The following ZCCHC14 variants were observed in gnomAD, a reference collection of about 807,000 sequenced individuals.
The protein encoded by ZCCHC14 is zinc finger CCHC domain-containing protein 14.
In ZCCHC14, 16 loss-of-function variants were observed where a neutral mutation model predicts 85.0. That is an observed-to-expected ratio of 0.19 (90% CI 0.13 to 0.29). ZCCHC14 has a LOEUF of 0.29. ZCCHC14 is among the 10% of genes least tolerant of loss of function. The probability of loss-of-function intolerance (pLI) is 1.00; values close to 1 mark genes in which losing one functional copy is unlikely to be tolerated. For synonymous variants in ZCCHC14, 775 were observed against 630.7 expected, an observed-to-expected ratio of 1.23 and a Z score of -3.43; for missense variants, 1,303 against 1,443.5, an observed-to-expected ratio of 0.90 and a Z score of 1.58.
chr16:87,487,344 T>C (rs189510981), intron 1 of ZCCHC14, among the ~76,000 whole-genome samples: 2 of 152,312 alleles, frequency 1.3e-5, no homozygotes, highest in East Asian at 1.9e-4. Context: ...TCATTATCCA[T>C]ACCCTGAGGA....
chr16:87,423,586 C>G (rs1597406409), intron 4 of ZCCHC14, among the ~76,000 whole-genome samples: 1 of 152,160 alleles, frequency 6.6e-6, no homozygotes. Context: ...TCATCTCAGT[C>G]TCAACAAGTG....
chr16:87,462,024 T>G (rs1479526878), intron 1 of ZCCHC14, among the ~76,000 whole-genome samples: 1 of 151,914 alleles, frequency 6.6e-6, no homozygotes, highest in Admixed American at 6.6e-5. Context: ...TCCCAGCACT[T>G]TGGGAGGCTG....
At chr16:87,472,270 C>T (rs894753539) in intron 1 of ZCCHC14, 1 of 152,212 alleles carries the variant, frequency 6.6e-6, no homozygotes, top group Non-Finnish European at 1.5e-5. Context: ...AGCCTGTGTC[C>T]CCATCTGTAA....
At position 87,410,007 on chromosome 16, in the gene ZCCHC14, G is replaced by A. The variant is rs76734351; in HGVS notation, c.*273C>T. ...GGCAATGCTCTTCGGGAGACATGGC[G>A]TCTCTGCACTGCAACCAAAAGTGGA... On this transcript the variant is annotated 3_prime_UTR_variant, in exon 13 of 13. Coordinates refer to ENST00000671377, the MANE Select transcript of ZCCHC14 (RefSeq NM_015144.3). The A allele has an allele frequency of 2.2e-3, 674 of 308,900 alleles. 5 individuals carry two copies. Among genetic ancestry groups the A allele is most frequent in the African/African-American group, 0.013 (589 of 46,194 alleles). 19.1% of individuals were successfully genotyped at this position (308,900 alleles called of 1,614,324 possible). A position where few individuals can be genotyped will look rare whatever the true frequency, so the allele number is the denominator to read the frequency against.
intron 1 of ZCCHC14, among the ~76,000 whole-genome samples, chr16:87,464,820 G>A (rs951450046): frequency 1.3e-5 from 2 of 152,142 alleles, no homozygotes; most frequent in African/African-American, 4.8e-5. Context: ...GGTGAAGTTA[G>A]TTTGCTCCAC....
chr16:87,440,841 C>T (rs1053114740), intron 2 of ZCCHC14, among the ~76,000 whole-genome samples: 8 of 151,780 alleles, frequency 5.3e-5, no homozygotes, highest in African/African-American at 1.9e-4. Flanking sequence ...TCTGGAACTC[C>T]TGGACTCAAG....
chr16:87,437,563 G>A (rs1909989612), intron 2 of ZCCHC14, among the ~76,000 whole-genome samples: 1 of 152,206 alleles, frequency 6.6e-6, no homozygotes, highest in Non-Finnish European at 1.5e-5. Context: ...CCGCACCCAG[G>A]CAGGCCTGTG....
Position 87,411,547 on chromosome 16 carries a change from G to A in ZCCHC14, c.3174C>T (p.Cys1058=). The change falls in exon 12 of 13, where the codon TGC becomes TGT. Residue 1058 remains cysteine (C), a synonymous_variant. Coordinates refer to ENST00000671377, the MANE Select transcript of ZCCHC14 (RefSeq NM_015144.3). ...GGTTGAAGTCCATGGACGGCTGTTTGCAGTCCTGGGCGCGGTGACCAGTGG... is the reference window on the plus strand; with the variant it reads ...GGTTGAAGTCCATGGACGGCTGTTTACAGTCCTGGGCGCGGTGACCAGTGG... The part of the protein sequence containing the change: ...CGATGHRAQD[C]KQPSMDFNRP... 6.2e-7 allele frequency: 1 copy of A among 1,613,686 alleles called. No homozygotes were observed. The highest frequency in any genetic ancestry group is 8.5e-7 in the Non-Finnish European group (1 of 1,180,032).
intron 3 of ZCCHC14, among the ~76,000 whole-genome samples, chr16:87,424,293 C>T (rs912758885): frequency 6.6e-6 from 1 of 152,178 alleles, no homozygotes; most frequent in African/African-American, 2.4e-5. Flanking sequence ...CCGGTAAGGG[C>T]CCGTGGTGCG....
Position 87,420,554 on chromosome 16 carries a change from C to T in ZCCHC14, c.950+53G>A. The T allele has an allele frequency of 6.8e-7, 1 of 1,465,858 alleles. No individual in the cohort carries two copies. Among genetic ancestry groups the T allele is most frequent in the Non-Finnish European group, 9.4e-7 (1 of 1,069,240 alleles). 90.8% of individuals were successfully genotyped at this position (1,465,858 alleles called of 1,614,324 possible). ...GAGGACCACAGCATTGACCACAGGA[C>T]CAGCCTGTCCTTGCCAGCTGTGGAC... On this transcript the variant is annotated intron_variant, in intron 5 of 12. Coordinates refer to ENST00000671377, the MANE Select transcript of ZCCHC14 (RefSeq NM_015144.3). The surrounding 1 kb of genome is among the most constrained non-coding windows in gnomAD (Gnocchi z 5.0).
intron 2 of ZCCHC14, among the ~76,000 whole-genome samples, chr16:87,453,427 G>A (rs185191228): frequency 6.4e-4 from 97 of 152,374 alleles, no homozygotes; most frequent in Non-Finnish European, 1.1e-3. Context: ...CTTTTCACCC[G>A]AGGGCGGGCC....
chr16:87,414,011 TAAAG>T (rs1908629936), intron 10 of ZCCHC14, among the ~76,000 whole-genome samples: 1 of 152,254 alleles, frequency 6.6e-6, no homozygotes, highest in African/African-American at 2.4e-5. Flanking sequence ...AAAATGAGTA[TAAAG>T]ATTTAAAAAT....
intron 1 of ZCCHC14, among the ~76,000 whole-genome samples, chr16:87,477,842 G>A (rs142540139): frequency 5.0e-5 from 7 of 139,888 alleles, no homozygotes; most frequent in African/African-American, 1.4e-4. Flanking sequence ...CATCGCTCCC[G>A]AGTCTGCTGC....
At chr16:87,459,134 C>T (rs529730206) in intron 2 of ZCCHC14, among the ~76,000 whole-genome samples, 7 of 152,278 alleles carry the variant, frequency 4.6e-5, no homozygotes, top group South Asian at 4.1e-4. Flanking sequence ...GAGCTGTCCA[C>T]GTGTACGTTA....
chr16:87,432,302 C>G (rs1011634300), intron 3 of ZCCHC14, among the ~76,000 whole-genome samples: 1 of 152,174 alleles, frequency 6.6e-6, no homozygotes, highest in Non-Finnish European at 1.5e-5. Context: ...CATTTCCCAG[C>G]CTTTTAGGCA....
rs745536751 is a variant in ZCCHC14 at position 87,433,217 on chromosome 16, A to AAAAAAC, written c.695-22_695-17dup. 4.3e-6 allele frequency: 7 copies of AAAAAAC among 1,609,886 alleles called. No homozygotes were observed. The highest frequency in any genetic ancestry group is 4.2e-6 in the Non-Finnish European group (5 of 1,176,988). ...TCAACACTCACTGTAAAAGTAAAAC[A>AAAAAAC]AAAAACAAAAATGAAATAAGAGCTT... is the stretch of plus-strand genomic sequence containing the variant. On this transcript the variant is annotated splice_polypyrimidine_tract_variant and intron_variant, in intron 2 of 12. Coordinates refer to ENST00000671377, the MANE Select transcript of ZCCHC14 (RefSeq NM_015144.3).
chr16:87,478,126 A>G (rs909446710), intron 1 of ZCCHC14, among the ~76,000 whole-genome samples: 1 of 152,230 alleles, frequency 6.6e-6, no homozygotes, highest in African/African-American at 2.4e-5. Context: ...TATTAATGGT[A>G]TGCTGGTTTA....
intron 9 of ZCCHC14, among the ~76,000 whole-genome samples, 167 bp downstream of exon 9, chr16:87,415,109 C>G (rs1047617519): frequency 6.6e-6 from 1 of 151,946 alleles, no homozygotes; most frequent in Non-Finnish European, 1.5e-5. Context: ...AAAAATAATC[C>G]GTCTCAAAAA....
At chr16:87,456,816 T>C (rs1910991481) in intron 2 of ZCCHC14, among the ~76,000 whole-genome samples, 1 of 152,212 alleles carries the variant, frequency 6.6e-6, no homozygotes, top group African/African-American at 2.4e-5. Flanking sequence ...CTCTAATTTT[T>C]AAGAGTGCAA....
Sources: gnomAD v4.1 joint callset for allele counts (sites outside exome capture counted in the v4.1 genomes callset) on GRCh38, gnomAD v4.1.1 for gene constraint, Gnocchi (gnomAD v3.1) non-coding constraint, MANE v1.5 for transcripts, NCBI Gene and HGNC (gene_info 2026-07-23, HGNC 2026-07-21) for gene names.